CYP2J2: variants seen among roughly 807,000 people sequenced by gnomAD.
The protein encoded by CYP2J2 is cytochrome P450 2J2.
A neutral mutation model predicts 48.8 loss-of-function variants in CYP2J2; 41 were observed. The observed-to-expected ratio is 0.84, with a 90% CI of 0.66 to 1.09. The LOEUF (loss-of-function observed/expected upper bound fraction) is 1.09, where lower values mean the gene tolerates loss of function less well. CYP2J2 is among the 50% of genes least tolerant of loss of function. The pLI, the probability that CYP2J2 is intolerant of heterozygous loss-of-function variation, is 0.00. For missense variants in CYP2J2, 644 were observed against 617.3 expected (o/e 1.04, Z -0.46); for synonymous variants, 221 against 227.1 (o/e 0.97, Z 0.24).
chr1:59,959,747 C>A, the CYP2J2 span, among the ~76,000 whole-genome samples: 1 of 151,986 alleles, frequency 6.6e-6, no homozygotes, highest in East Asian at 1.9e-4. Context: ...GCATTCACAG[C>A]AACCTGGATG....
At chr1:59,943,954 G>A in the CYP2J2 span, among the ~76,000 whole-genome samples, 1 of 152,096 alleles carries the variant, frequency 6.6e-6, no homozygotes, top group Admixed American at 6.5e-5. Flanking sequence ...GCAACTAAAG[G>A]TAATTCCTTC....
At chr1:59,898,180 G>A (rs924911998) in intron 8 of CYP2J2, among the ~76,000 whole-genome samples, 1 of 152,200 alleles carries the variant, frequency 6.6e-6, no homozygotes, top group Non-Finnish European at 1.5e-5. Context: ...ATCAAAAATT[G>A]TAGTAATATC....
the CYP2J2 span, among the ~76,000 whole-genome samples, chr1:59,936,411 T>A: frequency 6.6e-6 from 1 of 152,116 alleles, no homozygotes. Flanking sequence ...CAAAACTCCA[T>A]AATCATGCCA....
chr1:59,936,925 A>G, the CYP2J2 span, among the ~76,000 whole-genome samples: 1 of 152,374 alleles, frequency 6.6e-6, no homozygotes, highest in Non-Finnish European at 1.5e-5. Flanking sequence ...TACTCAGAGT[A>G]ACTCAGGTTA....
At chr1:59,958,950 C>A in the CYP2J2 span, among the ~76,000 whole-genome samples, 3 of 152,284 alleles carry the variant, frequency 2.0e-5, no homozygotes, top group Admixed American at 2.0e-4. Flanking sequence ...GCAATTCATT[C>A]ACTTACCTTA....
intron 3 of CYP2J2, 70 bp from the exon 4 acceptor site, chr1:59,911,838 T>C: frequency 3.4e-6 from 5 of 1,485,326 alleles, no homozygotes; most frequent in Non-Finnish European, 4.6e-6. Context: ...GAGAGTCTAC[T>C]TTACATGGCA....
chr1:59,939,516 G>A, the CYP2J2 span, among the ~76,000 whole-genome samples: 1 of 152,176 alleles, frequency 6.6e-6, no homozygotes, highest in African/African-American at 2.4e-5. Context: ...CCACCACTAG[G>A]ATTGCACTGG....
chr1:59,962,787 G>A, the CYP2J2 span, among the ~76,000 whole-genome samples: 2 of 152,130 alleles, frequency 1.3e-5, no homozygotes, highest in African/African-American at 2.4e-5. Context: ...AGAACACTAC[G>A]TTGACACTGT....
chr1:59,931,705 A>G (rs980885820), upstream of CYP2J2, among the ~76,000 whole-genome samples: 1 of 152,106 alleles, frequency 6.6e-6, no homozygotes, highest in African/African-American at 2.4e-5. Context: ...AAACTGTTGA[A>G]AACCTGTTTA....
the CYP2J2 span, among the ~76,000 whole-genome samples, chr1:59,956,062 G>A: frequency 3.2e-4 from 48 of 151,960 alleles, no homozygotes; most frequent in Non-Finnish European, 2.9e-5. Context: ...TGTTACATGC[G>A]TATGCCTACC....
the CYP2J2 span, among the ~76,000 whole-genome samples, chr1:59,955,231 C>A: frequency 1.4e-4 from 19 of 135,432 alleles, no homozygotes; most frequent in Non-Finnish European, 8.2e-5. Context: ...TATATGTATA[C>A]GAATAAGGAT....
At chr1:59,933,999 A>G in the CYP2J2 span, among the ~76,000 whole-genome samples, 1 of 152,192 alleles carries the variant, frequency 6.6e-6, no homozygotes, top group African/African-American at 2.4e-5. Context: ...ATTACAAACT[A>G]CAGTAACCAA....
chr1:59,942,249 C>T, the CYP2J2 span, among the ~76,000 whole-genome samples: 2 of 151,978 alleles, frequency 1.3e-5, no homozygotes, highest in East Asian at 3.9e-4. Flanking sequence ...GTTTGGTGAC[C>T]TAGGAGGGTC....
chr1:59,940,658 T>G, the CYP2J2 span, among the ~76,000 whole-genome samples: 1 of 152,170 alleles, frequency 6.6e-6, no homozygotes, highest in African/African-American at 2.4e-5. Flanking sequence ...ATACCTGCAT[T>G]TGTATGTTTA....
At chr1:59,968,997 C>T in the CYP2J2 span, among the ~76,000 whole-genome samples, 1 of 151,928 alleles carries the variant, frequency 6.6e-6, no homozygotes, top group Non-Finnish European at 1.5e-5. Flanking sequence ...AGACTTTCGC[C>T]GTGAGTGTTA....
the CYP2J2 span, among the ~76,000 whole-genome samples, chr1:59,938,989 T>C: frequency 2.0e-5 from 3 of 152,330 alleles, no homozygotes; most frequent in East Asian, 1.9e-4. Flanking sequence ...CTTGATTCTA[T>C]ACAATGCATG....
Position 59,901,094 on chromosome 1 carries a change from T to C in CYP2J2, c.1201A>G (p.Ile401Val). 6.2e-7 allele frequency: 1 copy of C among 1,613,666 alleles called. No homozygotes were observed. The highest frequency in any genetic ancestry group is 8.5e-7 in the Non-Finnish European group (1 of 1,179,642). The change falls in exon 8 of 9, where the codon ATC becomes GTC. Residue 401 changes from isoleucine (I) to valine (V), a missense_variant. Coordinates refer to ENST00000371204, the MANE Select transcript of CYP2J2 (RefSeq NM_000775.4). ...TGCAGCGCCGTCAAATTGGTCAGGA[T>C]CATGGTACCCTAGAGAAAGCAGCAG... ...AGYHLPKGTM[I>V]LTNLTALHRD...
chr1:59,904,741 T>C, intron 7 of CYP2J2, 130 bp downstream of exon 7: 1 of 748,368 alleles, frequency 1.3e-6, no homozygotes, highest in Non-Finnish European at 2.1e-6. Flanking sequence ...GGAGAAAATC[T>C]AGTATTATAT....
chr1:59,915,760 C>T (rs1209970957), intron 2 of CYP2J2, among the ~76,000 whole-genome samples, 178 bp downstream of exon 2: 1 of 152,154 alleles, frequency 6.6e-6, no homozygotes, highest in Non-Finnish European at 1.5e-5. Context: ...CTTATCAAAT[C>T]TTCTCAGGGA....
Sources: gnomAD v4.1 joint callset for allele counts (sites outside exome capture counted in the v4.1 genomes callset) on GRCh38, gnomAD v4.1.1 for gene constraint, MANE v1.5 for transcripts, NCBI Gene and HGNC (gene_info 2026-07-23, HGNC 2026-07-21) for gene names.